The following DNAH12 variants were observed in gnomAD, a reference collection of about 807,000 sequenced individuals.
The protein encoded by DNAH12 is axonemal beta dynein heavy chain 12.
In DNAH12, 285 loss-of-function variants were observed where a neutral mutation model predicts 371.5. That is an observed-to-expected ratio of 0.77 (90% confidence interval 0.70 to 0.85). DNAH12 has a LOEUF of 0.85. Ranked by LOEUF, DNAH12 falls within the 40% of genes least tolerant of loss-of-function variation. The probability of loss-of-function intolerance (pLI) is 0.00; values close to 1 mark genes in which losing one functional copy is unlikely to be tolerated. For missense variants in DNAH12, 3,611 were observed against 3,689.4 expected (o/e 0.98, Z 0.55); for synonymous variants, 1,200 against 1,213.0 (o/e 0.99, Z 0.22).
intron 35 of DNAH12, among the ~76,000 whole-genome samples, chr3:57,424,790 CAAAAA>C (rs66686551): frequency 1.6e-5 from 2 of 125,066 alleles, no homozygotes; most frequent in Non-Finnish European, 1.7e-5. Flanking sequence ...GCCCTGTCTC[CAAAAA>C]AAAAAAAAAA....
Position 57,452,993 on chromosome 3 carries a change from G to A in DNAH12, c.3636C>T (p.Phe1212=), listed in dbSNP as rs545012836. The part of the protein sequence containing the change: ...IKMGVSHDTD[F]LWLAQLRYYW... ...AATATCGGAGCTGAGCAAGCCACAG[G>A]AAATCTGTATCATGTGAGACACCTA... Residue 1212 remains phenylalanine (F), a synonymous_variant, in exon 25 of 74, where the codon TTC becomes TTT. Coordinates refer to ENST00000495027, the MANE Select transcript of DNAH12 (RefSeq NM_001366028.2). 1,055 of 1,548,870 alleles carry A rather than the reference G, an allele frequency of 6.8e-4. 7 individuals are homozygous for A. The Middle Eastern group carries it at 0.023, about 33-fold the overall frequency.
At chr3:57,358,613 C>G (rs2062852076) in intron 58 of DNAH12, among the ~76,000 whole-genome samples, 2 of 152,010 alleles carry the variant, frequency 1.3e-5, no homozygotes, top group Admixed American at 6.6e-5. Flanking sequence ...AATCTCAGTC[C>G]TAACTATAAA....
At chr3:57,552,060 C>T in the DNAH12 span, among the ~76,000 whole-genome samples, 12 of 150,942 alleles carry the variant, frequency 8.0e-5, no homozygotes, top group Non-Finnish European at 1.2e-4. Context: ...CTGGCTAACA[C>T]GGTGAAACCC....
Position 57,446,661 on chromosome 3 carries a change from C to G in DNAH12, c.3815G>C (p.Gly1272Ala), listed in dbSNP as rs2065509097. The G allele has an allele frequency of 6.5e-6, 10 of 1,530,482 alleles. No individual in the cohort carries two copies. Among genetic ancestry groups the G allele is most frequent in the Non-Finnish European group, 8.8e-6 (10 of 1,138,832 alleles). 94.8% of individuals were successfully genotyped at this position (1,530,482 alleles called of 1,614,324 possible). Reference sequence around the variant, plus strand: ...TGTGCCTGCTGGCCCCTCTGGAGCACCTCCAAGGTTTAAATAGAAAGCACC... The same window carrying G: ...TGTGCCTGCTGGCCCCTCTGGAGCAGCTCCAAGGTTTAAATAGAAAGCACC... ...LIGAFYLNLGGAPEGPAGTGK... is the reference protein window; with the variant it reads ...LIGAFYLNLGAAPEGPAGTGK... The change falls in exon 26 of 74, where the codon GGT (glycine) becomes GCT (alanine). Residue 1272 changes from glycine to alanine, a missense_variant. Gly to Ala is a moderately conservative substitution (Grantham distance 60, BLOSUM62 0). Transcript: ENST00000495027.
intron 57 of DNAH12, among the ~76,000 whole-genome samples, chr3:57,365,427 G>T (rs1311037181): frequency 6.6e-6 from 1 of 152,046 alleles, no homozygotes; most frequent in Non-Finnish European, 1.5e-5. Flanking sequence ...GTAGACACAG[G>T]GTAGGGAACA....
In DNAH12 at chr3:57,297,179, AG is replaced by A. The variant is rs554216557; in HGVS notation, c.11395-196del. 333 of 583,728 alleles carry A rather than the reference AG, an allele frequency of 5.7e-4. 1 individual carries two copies. The highest frequency in any genetic ancestry group is 9.2e-4 in the Non-Finnish European group (310 of 335,258). 36.2% of individuals were successfully genotyped at this position (583,728 alleles called of 1,614,324 possible). On this transcript the variant is annotated intron_variant, in intron 70 of 73. Transcript: ENST00000495027. ...CCCTTCTACTCTTCTTGGAAAACTC[AG>A]AACAATTTGAGCATTAACGTGAATG...
At chr3:57,369,116 A>G (rs1445210188) in intron 55 of DNAH12, among the ~76,000 whole-genome samples, 1 of 151,208 alleles carries the variant, frequency 6.6e-6, no homozygotes, top group Non-Finnish European at 1.5e-5. Flanking sequence ...GCTACAGGGG[A>G]GGCTGAGGCA....
chr3:57,428,753 C>T lies in DNAH12; in HGVS notation c.5133G>A (p.Val1711=). The T allele has an allele frequency of 3.2e-6, 5 of 1,551,502 alleles. No individual in the cohort carries two copies. Among genetic ancestry groups the T allele is most frequent in the Non-Finnish European group, 4.4e-6 (5 of 1,146,946 alleles). The part of the protein sequence containing the change: ...EPSQLGWEPL[V]SSWLNSLKGP... ...CTTTCAGTGAATTCAACCAAGAAGA[C>T]ACAAGTGGTTCCCATCCTAACTGTG... is the stretch of plus-strand genomic sequence containing the variant. Residue 1711 remains valine, a synonymous_variant, in exon 34 of 74, where the codon GTG becomes GTA. Coordinates refer to ENST00000495027, the MANE Select transcript of DNAH12 (RefSeq NM_001366028.2).
chr3:57,367,553 T>A (rs933253454), intron 56 of DNAH12, among the ~76,000 whole-genome samples: 77 of 152,328 alleles, frequency 5.1e-4, no homozygotes, highest in South Asian at 1.9e-3. Context: ...GTAATAGCAC[T>A]TGGCAGAGAC....
At chr3:57,511,806 C>G (rs1051212327) in intron 4 of DNAH12, among the ~76,000 whole-genome samples, 5 of 152,098 alleles carry the variant, frequency 3.3e-5, no homozygotes, top group African/African-American at 1.2e-4. Flanking sequence ...CATGGCATCT[C>G]AAATCACTGG....
At chr3:57,356,739 T>C (rs1471270621) in intron 59 of DNAH12, among the ~76,000 whole-genome samples, 1 of 152,050 alleles carries the variant, frequency 6.6e-6, no homozygotes, top group Admixed American at 6.6e-5. Flanking sequence ...TCCACTTTTT[T>C]ATTTTGTATT....
At position 57,323,597 on chromosome 3, in the gene DNAH12, T is replaced by C; in HGVS notation, c.10001A>G (p.Tyr3334Cys). Residue 3334 changes from tyrosine to cysteine, a missense_variant, in exon 63 of 74, where the codon TAT becomes TGT. By Grantham distance (194) the Tyr-to-Cys change is radical. Coordinates refer to ENST00000495027, the MANE Select transcript of DNAH12 (RefSeq NM_001366028.2). ...PDKITPAITN[Y>C]VTDKLGKKFV... ...CTTTTTCCCTAGTTTGTCAGTTACA[T>C]AGTTTGTTATAGCTGGGGTTATCTG... The C allele has an allele frequency of 1.3e-6, 2 of 1,547,924 alleles. No individual in the cohort carries two copies. Among genetic ancestry groups the C allele is most frequent in the African/African-American group, 1.4e-5 (1 of 72,972 alleles).
chr3:57,434,971 G>A (rs192823027), intron 30 of DNAH12, among the ~76,000 whole-genome samples: 165 of 152,116 alleles, frequency 1.1e-3, no homozygotes, highest in Non-Finnish European at 1.8e-3. Flanking sequence ...ATTCGCAACT[G>A]GTAAAAGATA....
chr3:57,319,783 C>T (rs1357411033), intron 65 of DNAH12, among the ~76,000 whole-genome samples: 2 of 151,274 alleles, frequency 1.3e-5, no homozygotes, highest in Non-Finnish European at 2.9e-5. Context: ...ACAGGTTTCA[C>T]CATGTTGGCT....
intron 50 of DNAH12, among the ~76,000 whole-genome samples, chr3:57,381,752 C>T (rs1291467177): frequency 3.3e-5 from 5 of 152,046 alleles, no homozygotes; most frequent in Non-Finnish European, 5.9e-5. Flanking sequence ...TTGGAATACC[C>T]AGAAAGGATC....
At chr3:57,483,281 G>A in intron 13 of DNAH12, 95 bp downstream of exon 13, 1 of 1,427,046 alleles carries the variant, frequency 7.0e-7, no homozygotes, top group African/African-American at 1.4e-5. Flanking sequence ...TCAATTTACA[G>A]CTATTTGTGT....
At chr3:57,451,666 C>A (rs1461840873) in intron 25 of DNAH12, among the ~76,000 whole-genome samples, 12 of 152,014 alleles carry the variant, frequency 7.9e-5, no homozygotes. Context: ...ACAAAAAATT[C>A]TGTTACAGTG....
At chr3:57,498,836 A>G (rs2067406077) in intron 11 of DNAH12, among the ~76,000 whole-genome samples, 1 of 151,994 alleles carries the variant, frequency 6.6e-6, no homozygotes, top group Admixed American at 6.6e-5. Flanking sequence ...CATCTCTACT[A>G]AAAACACAAA....
intron 34 of DNAH12, 149 bp from the exon 35 acceptor site, chr3:57,425,290 C>G: frequency 1.7e-6 from 1 of 579,130 alleles, no homozygotes; most frequent in East Asian, 2.9e-5. Context: ...CTCTGTCATC[C>G]AGGCTGGAGC....
Sources: gnomAD v4.1 joint callset for allele counts (sites outside exome capture counted in the v4.1 genomes callset) on GRCh38, gnomAD v4.1.1 for gene constraint, MANE v1.5 for transcripts, NCBI Gene and HGNC (gene_info 2026-07-23, HGNC 2026-07-21) for gene names.